Variants in CGNL1 observed in about 807,000 individuals in gnomAD.
The protein encoded by CGNL1 is cingulin like 1.
In CGNL1, 132 loss-of-function variants were observed where a neutral mutation model predicts 141.2. The observed-to-expected ratio is 0.93, with a 90% CI of 0.81 to 1.08. The LOEUF is 1.08. Ranked by LOEUF, CGNL1 falls within the 50% of genes least tolerant of loss-of-function variation. CGNL1 has a pLI of 0.00. For synonymous variants in CGNL1, 690 were observed against 622.1 expected, an observed-to-expected ratio of 1.11 and a Z score of -1.63; for missense variants, 1,870 against 1,588.6, an observed-to-expected ratio of 1.18 and a Z score of -3.01.
chr15:57,464,663 C>T (rs999067544), intron 8 of CGNL1, among the ~76,000 whole-genome samples: 11 of 136,864 alleles, frequency 8.0e-5, no homozygotes, highest in Non-Finnish European at 1.6e-4. Flanking sequence ...AATTTCTCTG[C>T]GGTTTCTTTT....
chr15:57,445,536 T>A (rs998803767), intron 4 of CGNL1, among the ~76,000 whole-genome samples: 1 of 152,190 alleles, frequency 6.6e-6, no homozygotes, highest in African/African-American at 2.4e-5. Context: ...CAGGTAGAGA[T>A]TTTGTATGGG....
chr15:57,406,289 G>T (rs1312252908), intron 1 of CGNL1, among the ~76,000 whole-genome samples: 1 of 152,192 alleles, frequency 6.6e-6, no homozygotes, highest in Non-Finnish European at 1.5e-5. Context: ...GACGCTGAAG[G>T]CCCTAAGGCA....
At chr15:57,414,434 C>G (rs1254552878) in intron 1 of CGNL1, among the ~76,000 whole-genome samples, 1 of 152,026 alleles carries the variant, frequency 6.6e-6, no homozygotes, top group African/African-American at 2.4e-5. Context: ...ATAATCGCAC[C>G]AAAGATAAGC....
At chr15:57,445,577 T>C (rs1000345344) in intron 4 of CGNL1, among the ~76,000 whole-genome samples, 1 of 152,172 alleles carries the variant, frequency 6.6e-6, no homozygotes, top group Non-Finnish European at 1.5e-5. Flanking sequence ...CCTCACTGGG[T>C]TGGATTTCTG....
chr15:57,498,244 A>AGTTTTTTTTTT (rs1567154405), intron 8 of CGNL1, among the ~76,000 whole-genome samples: 2 of 53,382 alleles, frequency 3.7e-5, no homozygotes, highest in East Asian at 1.6e-3. Context: ...TTGGGGAAAC[A>AGTTTTTTTTTT]GTTTTTTTTT....
At chr15:57,538,219 C>T (rs572035593) in intron 14 of CGNL1, among the ~76,000 whole-genome samples, 20 of 152,324 alleles carry the variant, frequency 1.3e-4, no homozygotes, top group African/African-American at 4.8e-4. Context: ...GTATAAGGCT[C>T]CACATGGTGG....
At chr15:57,481,118 A>T (rs1001495285) in intron 8 of CGNL1, among the ~76,000 whole-genome samples, 3 of 145,080 alleles carry the variant, frequency 2.1e-5, no homozygotes, top group Admixed American at 6.9e-5. Flanking sequence ...AAGAATTTTT[A>T]AAAAATCAAA....
chr15:57,469,427 C>T (rs1295175783), intron 8 of CGNL1, among the ~76,000 whole-genome samples: 2 of 149,468 alleles, frequency 1.3e-5, no homozygotes, highest in Non-Finnish European at 3.0e-5. Flanking sequence ...CGAAGGGGGC[C>T]GAGGGCCTGA....
chr15:57,426,309 T>A (rs1595691114), intron 1 of CGNL1, among the ~76,000 whole-genome samples: 1 of 152,068 alleles, frequency 6.6e-6, no homozygotes, highest in East Asian at 1.9e-4. Flanking sequence ...TATGCCTGGC[T>A]AATTTTTGTA....
intron 14 of CGNL1, among the ~76,000 whole-genome samples, chr15:57,543,317 C>G (rs753811431): frequency 4.6e-5 from 7 of 152,124 alleles, no homozygotes; most frequent in Non-Finnish European, 1.0e-4. Flanking sequence ...ACCAGCCATA[C>G]TGGATTAGGG....
intron 16 of CGNL1, 101 bp downstream of exon 16, chr15:57,544,698 C>G: frequency 5.8e-6 from 8 of 1,380,084 alleles, no homozygotes; most frequent in Non-Finnish European, 7.8e-6. Flanking sequence ...ATCCTCGTAG[C>G]CTGTGAGGAA....
chr15:57,536,540 G>A (rs1464030942), intron 14 of CGNL1, among the ~76,000 whole-genome samples: 2 of 152,200 alleles, frequency 1.3e-5, no homozygotes, highest in Non-Finnish European at 2.9e-5. Flanking sequence ...AGGAGTATCT[G>A]TTTTCTCACC....
chr15:57,533,458 A>G (rs2032074427), intron 14 of CGNL1, among the ~76,000 whole-genome samples: 1 of 152,136 alleles, frequency 6.6e-6, no homozygotes, highest in Non-Finnish European at 1.5e-5. Context: ...CGTTCCCCCC[A>G]GACATGTCAG....
chr15:57,531,782 A>G lies in CGNL1; in HGVS notation c.3291+3A>G. 1.3e-6 allele frequency: 2 copies of G among 1,561,434 alleles called. No homozygotes were observed. The highest frequency in any genetic ancestry group is 1.8e-6 in the Non-Finnish European group (2 of 1,131,944). ...GGATCAGTAGGAGCAGGGAACAGGT[A>G]CTATTCTATAGGTGAATGATGCGTG... On this transcript the variant is annotated splice_donor_region_variant and intron_variant, in intron 14 of 18. Coordinates refer to ENST00000281282, the MANE Select transcript of CGNL1 (RefSeq NM_032866.5).
At chr15:57,394,992 G>A (rs758046122) in intron 1 of CGNL1, among the ~76,000 whole-genome samples, 15 of 152,146 alleles carry the variant, frequency 9.9e-5, no homozygotes, top group Admixed American at 3.3e-4. Flanking sequence ...TACGCCTGTA[G>A]TCCCAGCTAC....
intron 1 of CGNL1, among the ~76,000 whole-genome samples, chr15:57,432,038 G>A (rs1228924150): frequency 6.6e-6 from 1 of 152,218 alleles, no homozygotes; most frequent in Non-Finnish European, 1.5e-5. Flanking sequence ...GCTCTTTTAA[G>A]TGATTTGTAT....
At position 57,381,794 on chromosome 15, in the gene CGNL1, C is replaced by T. The variant is rs866733523; in HGVS notation, c.-16+5227C>T. Among the ~76,000 whole-genome samples the T allele has an allele frequency of 3.3e-5, 5 of 152,154 alleles. No individual in the cohort carries two copies. The South Asian group carries it at 6.2e-4, about 19-fold the overall frequency. On this transcript the variant is annotated intron_variant, in intron 1 of 18. Transcript: ENST00000281282. Reference sequence around the variant, plus strand: ...ATAGGAATTTTACTATTTTCCTCTACGTGAGGTAGAGGAAAATAGTAAATC... The same window carrying T: ...ATAGGAATTTTACTATTTTCCTCTATGTGAGGTAGAGGAAAATAGTAAATC...
At chr15:57,470,952 C>T (rs776707225) in intron 8 of CGNL1, among the ~76,000 whole-genome samples, 2 of 152,180 alleles carry the variant, frequency 1.3e-5, no homozygotes, top group Non-Finnish European at 2.9e-5. Flanking sequence ...AGAAACGTTC[C>T]TCTTCGAAGA....
At chr15:57,482,630 T>G (rs530895856) in intron 8 of CGNL1, among the ~76,000 whole-genome samples, 1 of 152,338 alleles carries the variant, frequency 6.6e-6, no homozygotes, top group South Asian at 2.1e-4. Context: ...CTATTCTGTT[T>G]CATTGACCTG....
Sources: allele counts gnomAD v4.1 joint callset (sites outside exome capture counted in the v4.1 genomes callset), GRCh38; gene constraint gnomAD v4.1.1; transcripts MANE v1.5; gene names NCBI Gene and HGNC (gene_info 2026-07-23, HGNC 2026-07-21).